Variants in CLIP4 observed in about 807,000 individuals in gnomAD.
CLIP4 encodes CAP-Gly domain containing linker protein family member 4, also known as CAP-Gly domain-containing linker protein 4.
Under a neutral mutation model 73.1 loss-of-function variants are expected in CLIP4, and 47 were observed. The ratio of observed to expected loss-of-function variants is 0.64; its 90% CI spans 0.51 to 0.82. The LOEUF (loss-of-function observed/expected upper bound fraction) is 0.82, where lower values mean the gene tolerates loss of function less well. CLIP4 is among the 40% of genes least tolerant of loss of function. The pLI, the probability that CLIP4 is intolerant of heterozygous loss-of-function variation, is 0.00. For missense variants in CLIP4, 874 were observed against 852.9 expected (o/e 1.02, Z -0.31); for synonymous variants, 306 against 295.4 (o/e 1.04, Z -0.37).
At chr2:29,165,489 A>G (rs1437073392) in intron 13 of CLIP4, among the ~76,000 whole-genome samples, 1 of 152,220 alleles carries the variant, frequency 6.6e-6, no homozygotes, top group East Asian at 1.9e-4. Context: ...GTAGTCTAGT[A>G]TCAGCATGTG....
At position 29,101,275 on chromosome 2, in the gene CLIP4, C is replaced by CT. The variant is rs1270982831; in HGVS notation, c.-16+3339dup. Among the ~76,000 whole-genome samples, 451 of 111,154 alleles carry CT rather than the reference C, an allele frequency of 4.1e-3. 1 individual carries two copies. The highest frequency in any genetic ancestry group is 0.013 in the African/African-American group (399 of 29,976). 72.9% of individuals were successfully genotyped at this position (111,154 alleles called of 152,430 possible). A position where few individuals can be genotyped will look rare whatever the true frequency, so the allele number is the denominator to read the frequency against. On this transcript the variant is annotated intron_variant, in intron 1 of 14. Transcript: ENST00000401605. ...ACTGCACTCCAGCCTGGGCAACAGGCTTTTTTTTTTTCCCCCCCCCAAAAC... is the reference window on the plus strand; with the variant it reads ...ACTGCACTCCAGCCTGGGCAACAGGCTTTTTTTTTTTTCCCCCCCCCAAAAC...
chr2:29,174,794 T>C, intron 15 of CLIP4: 1 of 490,104 alleles, frequency 2.0e-6, no homozygotes, highest in African/African-American at 2.1e-5. Flanking sequence ...ATATTGTCAG[T>C]GATACATGAA....
chr2:29,169,493 T>C (rs1445829804), intron 14 of CLIP4, among the ~76,000 whole-genome samples: 2 of 152,164 alleles, frequency 1.3e-5, no homozygotes, highest in East Asian at 1.9e-4. Context: ...TATCTCCAAA[T>C]ATAGTCACAT....
At chr2:29,100,015 A>G (rs2148428974) in intron 1 of CLIP4, among the ~76,000 whole-genome samples, 1 of 152,332 alleles carries the variant, frequency 6.6e-6, no homozygotes, top group South Asian at 2.1e-4. Context: ...TACGAAAGCA[A>G]TTGACTTAAA....
At chr2:29,167,568 A>G (rs774245428) in intron 14 of CLIP4, 28 bp downstream of exon 14, 6 of 1,532,264 alleles carry the variant, frequency 3.9e-6, no homozygotes, top group Non-Finnish European at 5.3e-6. Context: ...TGTGTTCCTA[A>G]TCAATATTTC....
chr2:29,172,009 G>GT lies in CLIP4; in HGVS notation c.1724-2349dup, dbSNP rs34861574. 6.0e-3 allele frequency among the ~76,000 whole-genome samples: 725 copies of GT among 120,284 alleles called. 1 individual carries two copies. The highest frequency in any genetic ancestry group is 0.031 in the Middle Eastern group (7 of 224). The allele number at this position is 120,284 out of a possible 152,430, so 78.9% of individuals were successfully genotyped here. A position where few individuals can be genotyped will look rare whatever the true frequency, so the allele number is the denominator to read the frequency against. On this transcript the variant is annotated intron_variant, in intron 14 of 15. Transcript: ENST00000320081. ...TATTCTGGCTATATTCCCACCCTCT[G>GT]TTTTTTTTTTTTTTTCATTCTGTTT...
chr2:29,117,555 C>T (rs945900572), intron 1 of CLIP4, among the ~76,000 whole-genome samples: 1 of 152,214 alleles, frequency 6.6e-6, no homozygotes, highest in Non-Finnish European at 1.5e-5. Flanking sequence ...TGGTCTCGAA[C>T]TCCTGACCTG....
chr2:29,150,099 G>C (rs79887351), intron 8 of CLIP4, among the ~76,000 whole-genome samples: 2,160 of 152,282 alleles, frequency 0.014, 55 homozygotes, highest in African/African-American at 0.049. Context: ...AGGGAGAAGA[G>C]AAAGAGAGAG....
intron 2 of CLIP4, among the ~76,000 whole-genome samples, chr2:29,124,346 G>A (rs1039659372): frequency 1.3e-5 from 2 of 152,110 alleles, no homozygotes; most frequent in African/African-American, 2.4e-5. Context: ...TGTTTCTGCT[G>A]TCATTTTTGT....
At chr2:29,170,356 C>T (rs1360104779) in intron 14 of CLIP4, among the ~76,000 whole-genome samples, 1 of 152,180 alleles carries the variant, frequency 6.6e-6, no homozygotes, top group African/African-American at 2.4e-5. Flanking sequence ...ATGGCTGTAA[C>T]TACTGCCTAT....
chr2:29,103,056 G>C (rs950978998), intron 1 of CLIP4, among the ~76,000 whole-genome samples: 1 of 152,052 alleles, frequency 6.6e-6, no homozygotes, highest in African/African-American at 2.4e-5. Flanking sequence ...AGCCTGTCCC[G>C]TGCCTTAGTC....
In CLIP4 at chr2:29,183,747, A is replaced by G. The variant is rs1436701969; in HGVS notation, c.*1854A>G. The G allele has an allele frequency of 6.6e-6, 1 of 152,272 alleles. No homozygotes were observed. The highest frequency in any genetic ancestry group is 2.4e-5 in the African/African-American group (1 of 41,452). 9.4% of individuals were successfully genotyped at this position (152,272 alleles called of 1,614,324 possible). ...TGTTTTCATTTGTGTTTTGCTTATG[A>G]AATGTCATTTAAAGTTCACTTCTTG... On this transcript the variant is annotated 3_prime_UTR_variant, in exon 16 of 16. Coordinates refer to ENST00000320081, the MANE Select transcript of CLIP4 (RefSeq NM_024692.6).
At chr2:29,105,032 TTATA>T (rs1479508090) in intron 1 of CLIP4, among the ~76,000 whole-genome samples, 1 of 152,152 alleles carries the variant, frequency 6.6e-6, no homozygotes, top group East Asian at 1.9e-4. Context: ...ATCCAAAAGA[TTATA>T]TATTATTACA....
chr2:29,172,640 A>G (rs948049011), intron 14 of CLIP4, among the ~76,000 whole-genome samples: 3 of 152,034 alleles, frequency 2.0e-5, no homozygotes, highest in Admixed American at 2.0e-4. Flanking sequence ...CTTATTTATT[A>G]TAATTAAAAT....
chr2:29,160,637 C>T (rs1462723457), intron 12 of CLIP4, among the ~76,000 whole-genome samples, 170 bp downstream of exon 12: 2 of 152,196 alleles, frequency 1.3e-5, no homozygotes, highest in Non-Finnish European at 2.9e-5. Context: ...ACTGTTTACT[C>T]ACGTGGATGG....
intron 1 of CLIP4, among the ~76,000 whole-genome samples, chr2:29,105,774 TC>T (rs1057160049): frequency 2.6e-5 from 4 of 152,154 alleles, no homozygotes; most frequent in African/African-American, 9.7e-5. Flanking sequence ...CCTTTTTCCT[TC>T]CCCCATGTGA....
Position 29,156,390 on chromosome 2 carries a change from C to G in CLIP4, c.1202C>G (p.Ser401Ter). The G allele has an allele frequency of 1.3e-6, 2 of 1,588,398 alleles. No homozygotes were observed. Among genetic ancestry groups the G allele is most frequent in the Non-Finnish European group, 1.7e-6 (2 of 1,173,756 alleles). ...MTSKKDSASE[S>*]TLSLPPGEEL... ...TCAAAAAAAGATAGTGCTTCTGAGT[C>G]AACACTTTCATTGCCTCCTGGTGAA... The change falls in exon 10 of 16, where the codon TCA becomes TGA. Residue 401 changes from serine (S) to a stop codon, truncating the protein, a stop_gained. Transcript: ENST00000320081. LOFTEE classifies it high-confidence loss of function.
chr2:29,137,741 G>A (rs1274910847), intron 6 of CLIP4, among the ~76,000 whole-genome samples: 1 of 152,078 alleles, frequency 6.6e-6, no homozygotes, highest in East Asian at 1.9e-4. Context: ...TCTCATTGTG[G>A]TGTTGATTAG....
intron 1 of CLIP4, among the ~76,000 whole-genome samples, chr2:29,117,455 T>G (rs959917652): frequency 2.0e-5 from 3 of 152,118 alleles, no homozygotes; most frequent in African/African-American, 7.2e-5. Context: ...GCGATTGTTC[T>G]GCCTGAGCCT....
Sources: gnomAD v4.1 joint callset for allele counts (sites outside exome capture counted in the v4.1 genomes callset) on GRCh38, gnomAD v4.1.1 for gene constraint, MANE v1.5 for transcripts, NCBI Gene and HGNC (gene_info 2026-07-23, HGNC 2026-07-21) for gene names.